The following PPIP5K1 variants were observed in gnomAD, a reference collection of about 807,000 sequenced individuals.
PPIP5K1 encodes inositol hexakisphosphate and diphosphoinositol-pentakisphosphate kinase 1.
In PPIP5K1, 6 loss-of-function variants were observed where a neutral mutation model predicts 27.7. That is an observed-to-expected ratio of 0.22 (90% confidence interval 0.12 to 0.43). The LOEUF is 0.43. Among genes scored for constraint, PPIP5K1 ranks in the 20% least tolerant of loss-of-function variants. PPIP5K1 has a pLI of 1.00. For synonymous variants in PPIP5K1, 145 were observed against 242.6 expected, an observed-to-expected ratio of 0.60 and a Z score of 3.74; for missense variants, 394 against 635.4, an observed-to-expected ratio of 0.62 and a Z score of 4.08.
At chr15:43,549,040 AAAAAAAAAAAAAAAAAATATAT>A (rs1191012381) in intron 30 of PPIP5K1, among the ~76,000 whole-genome samples, 2,128 of 92,532 alleles carry the variant, frequency 0.023, 51 homozygotes, top group Middle Eastern at 0.041. Flanking sequence ...AAAAAAAAAA[AAAAAAAAAAAAAAAAAATATAT>A]ATATATATAT....
intron 30 of PPIP5K1, among the ~76,000 whole-genome samples, chr15:43,547,458 C>G (rs143754557): frequency 6.6e-6 from 1 of 152,300 alleles, no homozygotes; most frequent in South Asian, 2.1e-4. Flanking sequence ...ATTTACTCTA[C>G]GACTTCTTCT....
At chr15:43,544,683 C>T (rs1031316302) in intron 30 of PPIP5K1, among the ~76,000 whole-genome samples, 4 of 152,106 alleles carry the variant, frequency 2.6e-5, no homozygotes, top group Admixed American at 2.6e-4. Flanking sequence ...GTAGTCCCAG[C>T]TATTTGGGAG....
At chr15:43,552,989 T>C (rs2082424112) in intron 30 of PPIP5K1, among the ~76,000 whole-genome samples, 1 of 152,112 alleles carries the variant, frequency 6.6e-6, no homozygotes, top group Non-Finnish European at 1.5e-5. Context: ...TGAGCTGAGA[T>C]CATGCCACTG....
chr15:43,541,314 T>G (rs2080672147), intron 30 of PPIP5K1, among the ~76,000 whole-genome samples: 1 of 152,132 alleles, frequency 6.6e-6, no homozygotes, highest in Non-Finnish European at 1.5e-5. Flanking sequence ...GCTTTTACCA[T>G]GCTGCCTAGG....
chr15:43,553,421 C>T (rs184894544), intron 30 of PPIP5K1, among the ~76,000 whole-genome samples: 98 of 152,076 alleles, frequency 6.4e-4, no homozygotes, highest in African/African-American at 2.3e-3. Context: ...CACACTACAA[C>T]AGCCTTAACT....
At position 43,535,031 on chromosome 15, in the gene PPIP5K1, TTGGCTGGACTTCTGGCATGGC is replaced by T. The variant is rs1356544775; in HGVS notation, c.4095_4115del (p.Pro1366_Gln1372del). The T allele has an allele frequency of 1.9e-6, 3 of 1,612,832 alleles. No homozygotes were observed. The South Asian group carries it at 3.3e-5, about 18-fold the overall frequency. On this transcript the variant is annotated inframe_deletion, in exon 32 of 32. Transcript: ENST00000420765. ...CTTCCTCAGAGACTTTCTGGCACAG[TTGGCTGGACTTCTGGCATGGC>T]TGGCTGATGTGAGGGACCTCCTGGC... is the stretch of plus-strand genomic sequence containing the variant.
At chr15:43,580,594 T>C (rs1424933219) in intron 10 of PPIP5K1, among the ~76,000 whole-genome samples, 2 of 126,480 alleles carry the variant, frequency 1.6e-5, no homozygotes, top group South Asian at 4.7e-4. Context: ...AATTAATTAA[T>C]TAATTTATTT....
chr15:43,543,124 T>C (rs981387824), intron 30 of PPIP5K1, among the ~76,000 whole-genome samples: 2 of 151,596 alleles, frequency 1.3e-5, no homozygotes, highest in Non-Finnish European at 2.9e-5. Flanking sequence ...ACAAAATTGG[T>C]TCTTGGTGGG....
In PPIP5K1 at chr15:43,549,056, A is replaced by AATATATATAT. The variant is rs762219321; in HGVS notation, c.3557-9483_3557-9474dup. 1.5e-3 allele frequency among the ~76,000 whole-genome samples: 81 copies of AATATATATAT among 54,260 alleles called. 1 individual carries two copies. The highest frequency in any genetic ancestry group is 0.014 in the Middle Eastern group (1 of 72). The allele number at this position is 54,260 out of a possible 152,430, so 35.6% of individuals were successfully genotyped here. ...AAAAAAAAAAAAAAAAAAAAAAAAA[A>AATATATATAT]ATATATATATATATATATATATATA... On this transcript the variant is annotated intron_variant, in intron 30 of 31. Transcript: ENST00000420765.
chr15:43,544,669 G>A (rs2081150141), intron 30 of PPIP5K1, among the ~76,000 whole-genome samples: 1 of 152,108 alleles, frequency 6.6e-6, no homozygotes, highest in Non-Finnish European at 1.5e-5. Context: ...GGTGGCACAT[G>A]CCTGTAGTCC....
rs557433079 is a variant in PPIP5K1, at chr15:43,541,615, G to C, written c.3557-2032C>G. 2.2e-4 allele frequency among the ~76,000 whole-genome samples: 33 copies of C among 152,062 alleles called. No individual in the cohort carries two copies. In the South Asian group the frequency reaches 6.5e-3, roughly 30 times the overall value. ...GCCTGTAATCTCAGCTACTTGGGAG[G>C]CTGAAGCAGGAGAATCACTTGAACC... On this transcript the variant is annotated intron_variant, in intron 30 of 31. Coordinates refer to ENST00000420765, the MANE Select transcript of PPIP5K1 (RefSeq NM_001394395.1).
chr15:43,554,487 A>C lies in PPIP5K1; in HGVS notation c.3556+4308T>G, dbSNP rs138779421. On this transcript the variant is annotated intron_variant, in intron 30 of 31. Transcript: ENST00000420765. Reference sequence around the variant, plus strand: ...TTTTACTTAAAGACTATTTTGTCTAATACTGGTATAGCTACTTCAGCTCTC... The same window carrying C: ...TTTTACTTAAAGACTATTTTGTCTACTACTGGTATAGCTACTTCAGCTCTC... 1.8e-3 allele frequency among the ~76,000 whole-genome samples: 279 copies of C among 152,264 alleles called. 2 individuals carry two copies. Among genetic ancestry groups the C allele is most frequent in the African/African-American group, 6.3e-3 (260 of 41,564 alleles).
intron 30 of PPIP5K1, among the ~76,000 whole-genome samples, chr15:43,541,987 C>T (rs2080785094): frequency 6.6e-6 from 1 of 152,060 alleles, no homozygotes; most frequent in African/African-American, 2.4e-5. Flanking sequence ...CCTCATTGTC[C>T]CATTATAAGT....
At chr15:43,579,360 A>C (rs1293071241) in intron 10 of PPIP5K1, among the ~76,000 whole-genome samples, 4 of 85,750 alleles carry the variant, frequency 4.7e-5, no homozygotes, top group Non-Finnish European at 5.7e-5. Flanking sequence ...ACTAGGGAGG[A>C]GTACATAGGG....
At chr15:43,550,079 T>TACAG (rs940885078) in intron 30 of PPIP5K1, among the ~76,000 whole-genome samples, 5 of 152,142 alleles carry the variant, frequency 3.3e-5, no homozygotes, top group Admixed American at 2.6e-4. Context: ...GTGCCAGGAT[T>TACAG]ACAGGTACAA....
chr15:43,579,631 G>GTGTGTA (rs1310083869), intron 10 of PPIP5K1, among the ~76,000 whole-genome samples: 5 of 35,714 alleles, frequency 1.4e-4, no homozygotes, highest in Non-Finnish European at 1.9e-4. Context: ...GTGTGTGTGT[G>GTGTGTA]TATATATATA....
At chr15:43,538,197 T>C (rs2080165543) in intron 31 of PPIP5K1, among the ~76,000 whole-genome samples, 1 of 152,172 alleles carries the variant, frequency 6.6e-6, no homozygotes, top group Non-Finnish European at 1.5e-5. Flanking sequence ...GTAAGAATCT[T>C]TACTTCGGTC....
At chr15:43,579,423 C>CACAT (rs2084691659) in intron 10 of PPIP5K1, among the ~76,000 whole-genome samples, 1 of 113,976 alleles carries the variant, frequency 8.8e-6, no homozygotes, top group Non-Finnish European at 1.6e-5. Flanking sequence ...CACACACACA[C>CACAT]GTATGTGTAC....
At chr15:43,551,056 C>T (rs2082123884) in intron 30 of PPIP5K1, among the ~76,000 whole-genome samples, 1 of 152,136 alleles carries the variant, frequency 6.6e-6, no homozygotes, top group South Asian at 2.1e-4. Flanking sequence ...GGTTTCTTCT[C>T]CTATGGTGTC....
Sources: gnomAD v4.1 joint callset for allele counts (sites outside exome capture counted in the v4.1 genomes callset) on GRCh38, gnomAD v4.1.1 for gene constraint, MANE v1.5 for transcripts, NCBI Gene and HGNC (gene_info 2026-07-23, HGNC 2026-07-21) for gene names.